Variants in RPS6KB1 observed in about 807,000 individuals in gnomAD.
RPS6KB1 encodes the protein ribosomal protein S6 kinase B1.
Under a neutral mutation model 70.2 loss-of-function variants are expected in RPS6KB1, and 12 were observed. That is an observed-to-expected ratio of 0.17 (90% CI 0.11 to 0.28). The LOEUF is 0.28. Among genes scored for constraint, RPS6KB1 ranks in the 10% least tolerant of loss-of-function variants. RPS6KB1 has a pLI of 1.00. For missense variants in RPS6KB1, 270 were observed against 646.6 expected (o/e 0.42, Z 6.32); for synonymous variants, 175 against 211.2 (o/e 0.83, Z 1.49).
chr17:59,915,775 CTTTT>C (rs71370143), intron 4 of RPS6KB1, among the ~76,000 whole-genome samples: 2 of 77,922 alleles, frequency 2.6e-5, no homozygotes, highest in Middle Eastern at 0.01. Flanking sequence ...CTACTGCTAT[CTTTT>C]TTTTTTTTTT....
Position 59,936,210 on chromosome 17 carries a change from T to C in RPS6KB1, c.979-5T>C, listed in dbSNP as rs1337457061. ...CTTTATCCAAGCTTTTTTTCCTCTTTAAAGCTGCTGAAAAGAAATGCTGCT... is the reference window on the plus strand; with the variant it reads ...CTTTATCCAAGCTTTTTTTCCTCTTCAAAGCTGCTGAAAAGAAATGCTGCT... On this transcript the variant is annotated splice_polypyrimidine_tract_variant and splice_region_variant and intron_variant, in intron 10 of 14. Coordinates refer to ENST00000225577, the MANE Select transcript of RPS6KB1 (RefSeq NM_003161.4). 1 of 1,594,568 alleles carries C rather than the reference T, an allele frequency of 6.3e-7. No homozygotes were observed. The highest frequency in any genetic ancestry group is 8.5e-7 in the Non-Finnish European group (1 of 1,175,302).
intron 12 of RPS6KB1, 38 bp downstream of exon 12, chr17:59,936,579 C>G (rs780190587): frequency 6.5e-7 from 1 of 1,536,248 alleles, no homozygotes; most frequent in East Asian, 2.2e-5. Context: ...GGTGCAGTGG[C>G]TCACGCCTGT....
At position 59,947,373 on chromosome 17, in the gene RPS6KB1, T is replaced by A. The variant is rs1220685191; in HGVS notation, c.*585T>A. 8.2e-7 allele frequency: 1 copy of A among 1,216,586 alleles called. No individual in the cohort carries two copies. Among genetic ancestry groups the A allele is most frequent in the Non-Finnish European group, 1.0e-6 (1 of 968,576 alleles). The allele number at this position is 1,216,586 out of a possible 1,614,324, so 75.4% of individuals were successfully genotyped here. A position where few individuals can be genotyped will look rare whatever the true frequency, so the allele number is the denominator to read the frequency against. On this transcript the variant is annotated 3_prime_UTR_variant, in exon 15 of 15. Coordinates refer to ENST00000225577, the MANE Select transcript of RPS6KB1 (RefSeq NM_003161.4). ...ATGAAAAACATCCCAAACTTTAAAATGCGAAATTATTGGTTGGTGTGAAGA... is the reference window on the plus strand; with the variant it reads ...ATGAAAAACATCCCAAACTTTAAAAAGCGAAATTATTGGTTGGTGTGAAGA...
chr17:59,938,532 T>C (rs2044385408), intron 12 of RPS6KB1, among the ~76,000 whole-genome samples: 1 of 152,178 alleles, frequency 6.6e-6, no homozygotes, highest in Non-Finnish European at 1.5e-5. Context: ...ATTTGTCCTG[T>C]AGAATTCTCA....
At chr17:59,895,272 G>T (rs891088103) in intron 1 of RPS6KB1, among the ~76,000 whole-genome samples, 1 of 149,306 alleles carries the variant, frequency 6.7e-6, no homozygotes, top group Admixed American at 6.8e-5. Flanking sequence ...TGCCCGCCTC[G>T]GCCTCCCAAA....
At chr17:59,915,783 T>TTATTTA (rs1385531143) in intron 4 of RPS6KB1, among the ~76,000 whole-genome samples, 83 of 112,302 alleles carry the variant, frequency 7.4e-4, no homozygotes, top group Middle Eastern at 8.8e-3. Flanking sequence ...ATCTTTTTTT[T>TTATTTA]TTTTTTTTTT....
Position 59,940,820 on chromosome 17 carries a change from T to C in RPS6KB1, c.1120-16T>C, listed in dbSNP as rs763272953. The C allele has an allele frequency of 7.0e-7, 1 of 1,434,780 alleles. No individual in the cohort carries two copies. The highest frequency in any genetic ancestry group is 1.2e-5 in the South Asian group (1 of 86,802). 88.9% of individuals were successfully genotyped at this position (1,434,780 alleles called of 1,614,324 possible). On this transcript the variant is annotated splice_polypyrimidine_tract_variant and intron_variant, in intron 12 of 14. Transcript: ENST00000225577. ...GGACTATTTATTATTTTCTAAATTATTTTGTTTGTATAAAGCAATCTGAAG... is the reference window on the plus strand; with the variant it reads ...GGACTATTTATTATTTTCTAAATTACTTTGTTTGTATAAAGCAATCTGAAG...
In RPS6KB1 at chr17:59,910,568, T is replaced by A; in HGVS notation, c.148T>A (p.Leu50Ile). ...SEDELEEGGQ[L>I]NESMDHGGVG... ...CTTTTAACATATTTTTCAGGGTCAG[T>A]TAAATGAAAGCATGGACCATGGGGG... The change falls in exon 2 of 15, where the codon TTA becomes ATA. Residue 50 changes from leucine (L) to isoleucine (I), a missense_variant. Coordinates refer to ENST00000225577, the MANE Select transcript of RPS6KB1 (RefSeq NM_003161.4). 1 of 1,585,712 alleles carries A rather than the reference T, an allele frequency of 6.3e-7. No individual in the cohort carries two copies.
At chr17:59,905,656 C>T (rs2042222802) in intron 1 of RPS6KB1, among the ~76,000 whole-genome samples, 1 of 151,950 alleles carries the variant, frequency 6.6e-6, no homozygotes, top group Admixed American at 6.6e-5. Flanking sequence ...AGGCTCCCGC[C>T]ACAATGCCCG....
chr17:59,940,892 C>G lies in RPS6KB1; in HGVS notation c.1176C>G (p.Val392=). The change falls in exon 13 of 15, where the codon GTC becomes GTG. Residue 392 remains valine (V), a synonymous_variant. Coordinates refer to ENST00000225577, the MANE Select transcript of RPS6KB1 (RefSeq NM_003161.4). The stretch of plus-strand genomic sequence containing the variant: ...CCAAGTTTACACGTCAGACACCTGT[C>G]GACAGCCCAGATGACTCAACTCTCA... ...FDSKFTRQTP[V]DSPDDSTLSE... 1 of 1,597,152 alleles carries G rather than the reference C, an allele frequency of 6.3e-7. No individual in the cohort carries two copies. Among genetic ancestry groups the G allele is most frequent in the Non-Finnish European group, 8.5e-7 (1 of 1,178,738 alleles).
intron 1 of RPS6KB1, among the ~76,000 whole-genome samples, chr17:59,902,650 C>T (rs982789801): frequency 2.0e-5 from 3 of 150,080 alleles, no homozygotes; most frequent in African/African-American, 7.4e-5. Context: ...TGAAAAAGCT[C>T]GCTGCAGCTT....
intron 4 of RPS6KB1, among the ~76,000 whole-genome samples, chr17:59,916,822 G>A (rs1039862164): frequency 1.3e-5 from 2 of 152,090 alleles, no homozygotes; most frequent in Non-Finnish European, 2.9e-5. Flanking sequence ...GGCTCCCTCA[G>A]ACAAGGTATA....
At position 59,893,177 on chromosome 17, in the gene RPS6KB1, C is replaced by G. The variant is rs1313496352; in HGVS notation, c.-8C>G. On this transcript the variant is annotated 5_prime_UTR_variant, in exon 1 of 15. Coordinates refer to ENST00000225577, the MANE Select transcript of RPS6KB1 (RefSeq NM_003161.4). This position sits in a 1 kb window ranked among gnomAD's most constrained non-coding sequence, Gnocchi z 4.1. ...AGCGGCTGTGGTGGCTGCGGCGGGT[C>G]CGGGCCCATGAGGCGACGAAGGAGG... 1 of 1,564,476 alleles carries G rather than the reference C, an allele frequency of 6.4e-7. No individual in the cohort carries two copies.
intron 7 of RPS6KB1, among the ~76,000 whole-genome samples, chr17:59,932,734 G>A (rs1464127830): frequency 6.6e-6 from 1 of 151,908 alleles, no homozygotes; most frequent in East Asian, 1.9e-4. Context: ...GGTATTTTTT[G>A]TAGAAATGGG....
Position 59,949,919 on chromosome 17 carries a change from C to T in RPS6KB1, c.*3131C>T, listed in dbSNP as rs1246691385. The T allele has an allele frequency of 6.6e-6, 1 of 152,428 alleles. No homozygotes were observed. The highest frequency in any genetic ancestry group is 2.4e-5 in the African/African-American group (1 of 41,412). The allele number at this position is 152,428 out of a possible 1,614,324, so 9.4% of individuals were successfully genotyped here. A position where few individuals can be genotyped will look rare whatever the true frequency, so the allele number is the denominator to read the frequency against. ...ATTCAGTTAATCATATGGTTCCTAG[C>T]TTACAAGGGCTAGATCTAAGATTAT... is the stretch of plus-strand genomic sequence containing the variant. On this transcript the variant is annotated 3_prime_UTR_variant, in exon 15 of 15. Coordinates refer to ENST00000225577, the MANE Select transcript of RPS6KB1 (RefSeq NM_003161.4).
In RPS6KB1 at chr17:59,939,288, A is replaced by G. The variant is rs1281444124; in HGVS notation, c.1120-1548A>G. Reference sequence around the variant, plus strand: ...ATTTTTATTTTATTTTTATTTATTCATTTATTGTTTTGAGGCAGGGTCTTA... The same window carrying G: ...ATTTTTATTTTATTTTTATTTATTCGTTTATTGTTTTGAGGCAGGGTCTTA... On this transcript the variant is annotated intron_variant, in intron 12 of 14. Coordinates refer to ENST00000225577, the MANE Select transcript of RPS6KB1 (RefSeq NM_003161.4). 4.0e-5 allele frequency among the ~76,000 whole-genome samples: 6 copies of G among 151,608 alleles called. No homozygotes were observed. In the East Asian group the frequency reaches 9.7e-4, roughly 24 times the overall value.
intron 4 of RPS6KB1, among the ~76,000 whole-genome samples, chr17:59,924,264 G>C (rs1014739033): frequency 4.6e-5 from 7 of 152,130 alleles, no homozygotes; most frequent in Admixed American, 2.6e-4. Context: ...GGGAGGCGGA[G>C]GTTGCAGTGA....
chr17:59,901,158 A>AT (rs981190654), intron 1 of RPS6KB1, among the ~76,000 whole-genome samples: 3 of 147,620 alleles, frequency 2.0e-5, no homozygotes, highest in South Asian at 2.2e-4. Context: ...GAGACCTTGC[A>AT]TTTTTTTTTG....
intron 13 of RPS6KB1, among the ~76,000 whole-genome samples, chr17:59,941,861 T>A (rs1358689776): frequency 1.4e-5 from 2 of 144,238 alleles, no homozygotes; most frequent in Non-Finnish European, 3.0e-5. Context: ...CTCGATTTCT[T>A]TTTTTTTTTT....
Sources: gnomAD v4.1 joint callset for allele counts (sites outside exome capture counted in the v4.1 genomes callset) on GRCh38, gnomAD v4.1.1 for gene constraint, Gnocchi (gnomAD v3.1) non-coding constraint, MANE v1.5 for transcripts, NCBI Gene and HGNC (gene_info 2026-07-23, HGNC 2026-07-21) for gene names.